The following CCDC138 variants were observed in gnomAD, a reference collection of about 807,000 sequenced individuals.
The protein encoded by CCDC138 is coiled-coil domain-containing protein 138.
CCDC138 carries 66 observed loss-of-function variants against 82.3 expected under a neutral mutation model. The ratio of observed to expected loss-of-function variants is 0.80; its 90% CI spans 0.66 to 0.98. CCDC138 has a LOEUF of 0.98. CCDC138 is among the 50% of genes least tolerant of loss of function. CCDC138 has a pLI of 0.00. For missense variants in CCDC138, 816 were observed against 758.9 expected (o/e 1.08, Z -0.88); for synonymous variants, 297 against 265.4 (o/e 1.12, Z -1.16).
At chr2:108,863,349 A>G (rs1327207233) in intron 13 of CCDC138, among the ~76,000 whole-genome samples, 1 of 152,224 alleles carries the variant, frequency 6.6e-6, no homozygotes, top group Non-Finnish European at 1.5e-5. Context: ...TAGGAAATAC[A>G]ATGGGAAGGT....
chr2:108,833,864 A>T (rs1240502715), intron 10 of CCDC138, among the ~76,000 whole-genome samples: 1 of 146,378 alleles, frequency 6.8e-6, no homozygotes, highest in Non-Finnish European at 1.5e-5. Flanking sequence ...AGTAGCTGGG[A>T]CTACAGGCGC....
intron 2 of CCDC138, chr2:108,883,144 G>C (rs1696338140): frequency 6.6e-6 from 1 of 152,146 alleles, no homozygotes; most frequent in African/African-American, 2.4e-5. Flanking sequence ...GTAGAGGAAG[G>C]TGTGATACAG....
chr2:108,853,662 G>T (rs900661183), intron 12 of CCDC138, among the ~76,000 whole-genome samples: 2 of 149,968 alleles, frequency 1.3e-5, no homozygotes, highest in Non-Finnish European at 3.0e-5. Flanking sequence ...AAGTAGCTGG[G>T]ACTACAGGCA....
chr2:108,867,803 A>G (rs1250016577), intron 13 of CCDC138, among the ~76,000 whole-genome samples: 1 of 152,192 alleles, frequency 6.6e-6, no homozygotes, highest in Non-Finnish European at 1.5e-5. Context: ...TTGCTGTGTT[A>G]TGTTCCAGCC....
chr2:108,852,716 A>T (rs1691715649), intron 12 of CCDC138, among the ~76,000 whole-genome samples: 2 of 152,182 alleles, frequency 1.3e-5, no homozygotes, highest in Non-Finnish European at 2.9e-5. Flanking sequence ...ACACATGGAT[A>T]CATAAGGGGA....
intron 13 of CCDC138, 86 bp from the exon 14 acceptor site, chr2:108,873,365 G>A (rs1695562785): frequency 2.6e-6 from 3 of 1,135,650 alleles, no homozygotes. Flanking sequence ...ATTTATAAAT[G>A]CCTCACATAG....
At chr2:108,880,391 A>G (rs1696259423), downstream of CCDC138, among the ~76,000 whole-genome samples, 2 of 152,190 alleles carry the variant, frequency 1.3e-5, no homozygotes, top group Non-Finnish European at 2.9e-5. Flanking sequence ...AATCCTAACA[A>G]GTTATTTTGT....
chr2:108,808,805 A>T lies in CCDC138; in HGVS notation c.855+3797A>T, dbSNP rs536175090. On this transcript the variant is annotated intron_variant, in intron 7 of 14. Coordinates refer to ENST00000295124, the MANE Select transcript of CCDC138 (RefSeq NM_144978.3). ...TTTCTCCTATTCTGCAGGTTGTATCATTATTCTTTTTATTGTTTCCAATCT... is the reference window on the plus strand; with the variant it reads ...TTTCTCCTATTCTGCAGGTTGTATCTTTATTCTTTTTATTGTTTCCAATCT... Among the ~76,000 whole-genome samples the T allele has an allele frequency of 2.9e-3, 443 of 152,028 alleles. 2 individuals are homozygous for T. The highest frequency in any genetic ancestry group is 4.5e-3 in the Non-Finnish European group (309 of 67,918).
chr2:108,844,805 T>C (rs1202123858), intron 11 of CCDC138, among the ~76,000 whole-genome samples: 1 of 151,240 alleles, frequency 6.6e-6, no homozygotes, highest in Non-Finnish European at 1.5e-5. Flanking sequence ...TGGAGAGCAG[T>C]GGCACGATCT....
intron 7 of CCDC138, among the ~76,000 whole-genome samples, chr2:108,810,279 T>G (rs1425224852): frequency 6.6e-6 from 1 of 152,224 alleles, no homozygotes; most frequent in Non-Finnish European, 1.5e-5. Flanking sequence ...AATTGTGTGT[T>G]TGTTATATAT....
At chr2:108,866,704 G>GA (rs1371720610) in intron 13 of CCDC138, among the ~76,000 whole-genome samples, 1 of 152,122 alleles carries the variant, frequency 6.6e-6, no homozygotes, top group Non-Finnish European at 1.5e-5. Context: ...CCAAGATAGT[G>GA]AAACCCCGTC....
downstream of CCDC138, chr2:108,878,540 G>C (rs1696181940): frequency 2.8e-5 from 6 of 212,972 alleles, 1 homozygote; most frequent in South Asian, 5.1e-4. Context: ...GACTGAAAAT[G>C]TCACCACCAT....
intron 13 of CCDC138, among the ~76,000 whole-genome samples, chr2:108,862,796 TG>T (rs1693839020): frequency 6.6e-6 from 1 of 152,136 alleles, no homozygotes; most frequent in Non-Finnish European, 1.5e-5. Context: ...GGCCACCTTT[TG>T]TTTTTTTTTA....
At chr2:108,791,088 A>C (rs1679839059) in intron 3 of CCDC138, among the ~76,000 whole-genome samples, 1 of 152,180 alleles carries the variant, frequency 6.6e-6, no homozygotes, top group South Asian at 2.1e-4. Context: ...AACATTGATT[A>C]CATGTTGAAA....
chr2:108,804,247 T>C (rs1447860091), intron 6 of CCDC138, among the ~76,000 whole-genome samples: 1 of 152,222 alleles, frequency 6.6e-6, no homozygotes, highest in Non-Finnish European at 1.5e-5. Flanking sequence ...GGTGAAACTA[T>C]TAAGTATTCA....
chr2:108,856,033 T>G (rs1245476689), intron 12 of CCDC138, among the ~76,000 whole-genome samples: 1 of 152,200 alleles, frequency 6.6e-6, no homozygotes, highest in African/African-American at 2.4e-5. Flanking sequence ...AAGACTGCTG[T>G]AAGAGTAGGG....
intron 10 of CCDC138, among the ~76,000 whole-genome samples, chr2:108,817,838 T>C (rs1325351003): frequency 1.3e-5 from 2 of 152,210 alleles, no homozygotes; most frequent in East Asian, 3.8e-4. Context: ...TGTTTAAATG[T>C]TAAGTTTGTG....
intron 5 of CCDC138, among the ~76,000 whole-genome samples, chr2:108,796,237 G>A (rs1341957709): frequency 1.3e-5 from 2 of 150,940 alleles, no homozygotes; most frequent in African/African-American, 4.9e-5. Flanking sequence ...TGTATTTTTA[G>A]TAGAGATGGG....
intron 11 of CCDC138, among the ~76,000 whole-genome samples, chr2:108,843,289 C>G (rs1462700259): frequency 6.6e-6 from 1 of 152,108 alleles, no homozygotes; most frequent in Non-Finnish European, 1.5e-5. Flanking sequence ...TCCCAAGTAG[C>G]TGGGATTACA....
Sources: gnomAD v4.1 joint callset for allele counts (sites outside exome capture counted in the v4.1 genomes callset) on GRCh38, gnomAD v4.1.1 for gene constraint, MANE v1.5 for transcripts, NCBI Gene and HGNC (gene_info 2026-07-23, HGNC 2026-07-21) for gene names.